OPRD1: variants seen among roughly 807,000 people sequenced by gnomAD.
OPRD1 encodes delta-type opioid receptor.
Under a neutral mutation model 17.5 loss-of-function variants are expected in OPRD1, and 19 were observed. The ratio of observed to expected loss-of-function variants is 1.09; its 90% CI spans 0.76 to 1.60. The LOEUF (loss-of-function observed/expected upper bound fraction) is 1.60. Among genes scored for constraint, OPRD1 ranks in the 40% most tolerant of loss-of-function variants. The pLI is 0.00. For missense variants in OPRD1, 483 were observed against 547.2 expected (o/e 0.88, Z 1.17); for synonymous variants, 256 against 240.9 (o/e 1.06, Z -0.58).
At chr1:28,848,996 C>G (rs1005224477) in intron 1 of OPRD1, among the ~76,000 whole-genome samples, 1 of 152,180 alleles carries the variant, frequency 6.6e-6, no homozygotes, top group African/African-American at 2.4e-5. Flanking sequence ...TGGCTACCCT[C>G]CACTCTGCAA....
In OPRD1 at chr1:28,858,989, T is replaced by G; in HGVS notation, c.263T>G (p.Ile88Ser). The G allele has an allele frequency of 6.2e-7, 1 of 1,613,100 alleles. No individual in the cohort carries two copies. The highest frequency in any genetic ancestry group is 1.1e-5 in the South Asian group (1 of 91,070). The change falls in exon 2 of 3, where the codon ATC (isoleucine) becomes AGC (serine). Residue 88 changes from isoleucine (I) to serine (S), a missense_variant. Physicochemically the swap from Ile to Ser is moderately radical, Grantham distance 142. Coordinates refer to ENST00000234961, the MANE Select transcript of OPRD1 (RefSeq NM_000911.4). Reference protein sequence around the residue: ...TKMKTATNIYIFNLALADALA... With the variant: ...TKMKTATNIYSFNLALADALA... ...ATGAAGACGGCCACCAACATCTACATCTTCAACCTGGCCTTAGCCGATGCG... is the reference window on the plus strand; with the variant it reads ...ATGAAGACGGCCACCAACATCTACAGCTTCAACCTGGCCTTAGCCGATGCG...
intron 1 of OPRD1, among the ~76,000 whole-genome samples, chr1:28,817,403 G>A (rs1455208768): frequency 2.0e-5 from 3 of 152,184 alleles, no homozygotes; most frequent in African/African-American, 4.8e-5. Context: ...TGGCAGGGTC[G>A]GGATAGGTGA....
chr1:28,851,864 G>GA (rs71586865), intron 1 of OPRD1, among the ~76,000 whole-genome samples: 27,185 of 93,386 alleles, frequency 0.29, 3,188 homozygotes, highest in Middle Eastern at 0.37. Flanking sequence ...TCAAAAAAAA[G>GA]AAAAAAAAAA....
chr1:28,848,797 C>T (rs140510982), intron 1 of OPRD1, among the ~76,000 whole-genome samples: 2 of 152,284 alleles, frequency 1.3e-5, no homozygotes, highest in East Asian at 3.9e-4. Flanking sequence ...GATAAATCAC[C>T]TCGCCTCTTG....
At chr1:28,857,424 T>A (rs1470361155) in intron 1 of OPRD1, among the ~76,000 whole-genome samples, 1 of 152,184 alleles carries the variant, frequency 6.6e-6, no homozygotes, top group East Asian at 1.9e-4. Context: ...AACATATTGC[T>A]TAGTACCTTT....
At position 28,864,705 on chromosome 1, in the gene OPRD1, A is replaced by T. The variant is rs1450810505; in HGVS notation, c.*1422A>T. 3 of 125,286 alleles carry T rather than the reference A, an allele frequency of 2.4e-5. No individual in the cohort carries two copies. The highest frequency in any genetic ancestry group is 9.4e-5 in the African/African-American group (3 of 32,006). The allele number at this position is 125,286 out of a possible 1,614,324, so 7.8% of individuals were successfully genotyped here. A position where few individuals can be genotyped will look rare whatever the true frequency, so the allele number is the denominator to read the frequency against. ...TGGCCCAGATACTGGAGGACAGAGG[A>T]CCACCTACTTAGATCCCGTAGATGG... On this transcript the variant is annotated 3_prime_UTR_variant, in exon 3 of 3. Transcript: ENST00000234961.
chr1:28,833,675 G>A (rs1181187856), intron 1 of OPRD1, among the ~76,000 whole-genome samples: 1 of 152,130 alleles, frequency 6.6e-6, no homozygotes, highest in Non-Finnish European at 1.5e-5. Flanking sequence ...TAGCCAAGTC[G>A]ACACATCAGA....
At chr1:28,846,229 A>C (rs1335930729) in intron 1 of OPRD1, among the ~76,000 whole-genome samples, 2 of 152,104 alleles carry the variant, frequency 1.3e-5, no homozygotes, top group Non-Finnish European at 2.9e-5. Flanking sequence ...CACATGGCTA[A>C]CTCTCATCCT....
chr1:28,831,350 A>G (rs528531266), intron 1 of OPRD1, among the ~76,000 whole-genome samples: 1 of 152,288 alleles, frequency 6.6e-6, no homozygotes, highest in South Asian at 2.1e-4. Context: ...TCTCTATTAA[A>G]ATACAAAAAT....
chr1:28,853,949 C>G (rs968780817), intron 1 of OPRD1, among the ~76,000 whole-genome samples: 4 of 152,002 alleles, frequency 2.6e-5, no homozygotes, highest in Non-Finnish European at 5.9e-5. Flanking sequence ...CCATGTTGTC[C>G]AGGCTGGTCT....
In OPRD1 at chr1:28,860,720, G is replaced by GA. The variant is rs1418387727; in HGVS notation, c.577+1419dup. Among the ~76,000 whole-genome samples, 3 of 152,294 alleles carry GA rather than the reference G, an allele frequency of 2.0e-5. No homozygotes were observed. The East Asian group carries it at 5.8e-4, about 29-fold the overall frequency. ...GGGTCACACAGCCAGGCATTTTGTG[G>GA]AATTTGGCCTGCAACCTAGGGTTCC... On this transcript the variant is annotated intron_variant, in intron 2 of 2. Coordinates refer to ENST00000234961, the MANE Select transcript of OPRD1 (RefSeq NM_000911.4).
chr1:28,812,761 T>G, intron 1 of OPRD1, 151 bp downstream of exon 1: 3 of 621,650 alleles, frequency 4.8e-6, no homozygotes, highest in Non-Finnish European at 7.7e-6. Context: ...CGAGGCCACT[T>G]ACATCGAGGG....
intron 1 of OPRD1, among the ~76,000 whole-genome samples, chr1:28,824,622 G>T (rs1200440407): frequency 1.3e-5 from 2 of 151,792 alleles, no homozygotes; most frequent in African/African-American, 2.4e-5. Context: ...CTGGCTGATG[G>T]TTCTTTTTCT....
chr1:28,858,812 C>A, intron 1 of OPRD1, 142 bp from the exon 2 acceptor site: 1 of 784,470 alleles, frequency 1.3e-6, no homozygotes, highest in Non-Finnish European at 2.1e-6. Flanking sequence ...TCCAAAAGTG[C>A]TGGGATTACA....
At chr1:28,830,724 A>G (rs1397848658) in intron 1 of OPRD1, among the ~76,000 whole-genome samples, 1 of 152,244 alleles carries the variant, frequency 6.6e-6, no homozygotes, top group Non-Finnish European at 1.5e-5. Context: ...AAAACACAAT[A>G]TCTACAAAGT....
Position 28,812,339 on chromosome 1 carries a change from C to CA in OPRD1, c.-44dup. 8.0e-7 allele frequency: 1 copy of CA among 1,245,700 alleles called. No homozygotes were observed. Among genetic ancestry groups the CA allele is most frequent in the East Asian group, 3.2e-5 (1 of 31,166 alleles). 77.2% of individuals were successfully genotyped at this position (1,245,700 alleles called of 1,614,324 possible). A position where few individuals can be genotyped will look rare whatever the true frequency, so the allele number is the denominator to read the frequency against. On this transcript the variant is annotated 5_prime_UTR_variant, in exon 1 of 3. Transcript: ENST00000234961. ...TCCCCTCGCGTCGGATCCCCGCGCC[C>CA]AGGGCGCACGGTGGAGAGGGACGCG...
intron 1 of OPRD1, among the ~76,000 whole-genome samples, chr1:28,818,503 GT>G (rs911223381): frequency 2.6e-5 from 4 of 152,310 alleles, no homozygotes; most frequent in Middle Eastern, 3.4e-3. Context: ...CCCTGGAGAG[GT>G]GTGAGTGGAG....
At chr1:28,825,283 A>G (rs902925352) in intron 1 of OPRD1, among the ~76,000 whole-genome samples, 52 of 152,130 alleles carry the variant, frequency 3.4e-4, no homozygotes, top group African/African-American at 1.2e-3. Flanking sequence ...TGCTTTTCCT[A>G]TCCCCTTGCT....
chr1:28,851,947 C>G (rs2089007840), intron 1 of OPRD1, among the ~76,000 whole-genome samples: 1 of 149,530 alleles, frequency 6.7e-6, no homozygotes, highest in Non-Finnish European at 1.5e-5. Flanking sequence ...GTGGGCGGAT[C>G]ATGAGGTCAG....
Sources: gnomAD v4.1 joint callset for allele counts (sites outside exome capture counted in the v4.1 genomes callset) on GRCh38, gnomAD v4.1.1 for gene constraint, MANE v1.5 for transcripts, NCBI Gene and HGNC (gene_info 2026-07-23, HGNC 2026-07-21) for gene names.